Variants in PRDM10 observed in about 807,000 individuals in gnomAD.
PRDM10 encodes the protein PR domain zinc finger protein 10.
PRDM10 carries 65 observed loss-of-function variants against 133.1 expected under a neutral mutation model. The observed-to-expected ratio is 0.49, with a 90% CI of 0.40 to 0.60. PRDM10 has a LOEUF of 0.60. PRDM10 is among the 20% of genes least tolerant of loss of function. The pLI is 0.00. For synonymous variants in PRDM10, 582 were observed against 580.4 expected (o/e 1.00, Z -0.04); for missense variants, 1,137 against 1,507.1 (o/e 0.75, Z 4.07).
chr11:129,905,363 G>GAAAAAAAAAAA lies in PRDM10; in HGVS notation c.3267+264_3267+274dup, dbSNP rs57268294. On this transcript the variant is annotated intron_variant, in intron 20 of 20. Transcript: ENST00000360871. ...GGCGACACAGCAAGACTCTGTCTCAGAAAAAAAAAAAAAAAAAAAAGGCTC... is the reference window on the plus strand; with the variant it reads ...GGCGACACAGCAAGACTCTGTCTCAGAAAAAAAAAAAAAAAAAAAAAAAAAAAAAAAGGCTC... 4.3e-5 allele frequency among the ~76,000 whole-genome samples: 3 copies of GAAAAAAAAAAA among 69,444 alleles called. 1 individual carries two copies. Among genetic ancestry groups the GAAAAAAAAAAA allele is most frequent in the African/African-American group, 1.1e-4 (2 of 18,896 alleles). The allele number at this position is 69,444 out of a possible 152,430, so 45.6% of individuals were successfully genotyped here.
intron 4 of PRDM10, among the ~76,000 whole-genome samples, chr11:129,949,900 C>T (rs1207698350): frequency 2.0e-5 from 3 of 151,754 alleles, no homozygotes; most frequent in African/African-American, 2.4e-5. Flanking sequence ...CGCCATTGCA[C>T]TCCAGCCTGG....
intron 4 of PRDM10, among the ~76,000 whole-genome samples, chr11:129,951,457 G>A (rs1305245211): frequency 6.6e-6 from 1 of 152,174 alleles, no homozygotes; most frequent in African/African-American, 2.4e-5. Context: ...AGCAGTGTCT[G>A]TCTGTTTCAC....
At chr11:129,952,897 T>C (rs989598931) in intron 4 of PRDM10, among the ~76,000 whole-genome samples, 2 of 152,190 alleles carry the variant, frequency 1.3e-5, no homozygotes, top group African/African-American at 4.8e-5. Flanking sequence ...CAAGACATTA[T>C]ACATTTTCAT....
intron 1 of PRDM10, among the ~76,000 whole-genome samples, chr11:129,965,744 A>T (rs938078701): frequency 4.7e-5 from 7 of 147,596 alleles, no homozygotes; most frequent in Admixed American, 2.7e-4. Flanking sequence ...TTATCAAAAA[A>T]AAAAATATAT....
chr11:129,985,810 ATATAT>A (rs375165378), intron 1 of PRDM10, among the ~76,000 whole-genome samples: 45 of 59,318 alleles, frequency 7.6e-4, no homozygotes, highest in Non-Finnish European at 1.1e-3. Flanking sequence ...AAAAAAAAAA[ATATAT>A]ATATATATAT....
chr11:129,953,759 G>A (rs1204845734), intron 4 of PRDM10, among the ~76,000 whole-genome samples: 3 of 139,792 alleles, frequency 2.1e-5, no homozygotes, highest in Non-Finnish European at 4.5e-5. Flanking sequence ...TCTACCATTT[G>A]TCTTTGGGGT....
intron 4 of PRDM10, 51 bp downstream of exon 4, chr11:129,955,461 G>A (rs758538716): frequency 1.3e-5 from 20 of 1,555,886 alleles, no homozygotes; most frequent in Admixed American, 5.0e-5. Context: ...CATTCCAGGC[G>A]CAGTGGCATT....
chr11:129,978,453 C>T (rs1937911666), intron 1 of PRDM10, among the ~76,000 whole-genome samples: 1 of 152,222 alleles, frequency 6.6e-6, no homozygotes, highest in African/African-American at 2.4e-5. Context: ...AGAAATGTTC[C>T]TGACTTGTCT....
intron 3 of PRDM10, 119 bp from the exon 4 acceptor site, chr11:129,955,690 T>C: frequency 2.6e-6 from 2 of 774,462 alleles, no homozygotes; most frequent in Non-Finnish European, 4.2e-6. Context: ...TTTTAGCCAG[T>C]AATAAGCTTT....
Position 130,000,339 on chromosome 11 carries a change from G to A in PRDM10, c.-119+2383C>T, listed in dbSNP as rs531655889. 3.9e-5 allele frequency among the ~76,000 whole-genome samples: 6 copies of A among 152,140 alleles called. No homozygotes were observed. The East Asian group carries it at 5.8e-4, about 15-fold the overall frequency. On this transcript the variant is annotated intron_variant, in intron 1 of 20. Transcript: ENST00000360871. ...ATTACAGGCATGAGCCACAGCGCCCGGCTTAAATTTTATGTTTTCTCCAAT... is the reference window on the plus strand; with the variant it reads ...ATTACAGGCATGAGCCACAGCGCCCAGCTTAAATTTTATGTTTTCTCCAAT...
intron 7 of PRDM10, 106 bp downstream of exon 7, chr11:129,942,320 C>T (rs1591638296): frequency 1.8e-6 from 2 of 1,130,946 alleles, no homozygotes; most frequent in East Asian, 2.5e-5. Context: ...TGACCCCCCT[C>T]CCCCTTTTTT....
chr11:129,929,367 A>T, intron 11 of PRDM10: 1 of 1,552,596 alleles, frequency 6.4e-7, no homozygotes, highest in Non-Finnish European at 8.7e-7. Context: ...GGTCAGGCAA[A>T]CAAGTAACAT....
At chr11:129,973,789 A>G (rs1937625735) in intron 1 of PRDM10, among the ~76,000 whole-genome samples, 1 of 152,238 alleles carries the variant, frequency 6.6e-6, no homozygotes, top group African/African-American at 2.4e-5. Context: ...AGAACAGTGT[A>G]AGATAAAACA....
At chr11:129,976,882 TC>T (rs11300394) in intron 1 of PRDM10, among the ~76,000 whole-genome samples, 28,809 of 152,020 alleles carry the variant, frequency 0.19, 4,331 homozygotes, top group East Asian at 0.46. Context: ...GCCCAAATCC[TC>T]CATAACATGT....
chr11:130,001,970 G>A lies in PRDM10; in HGVS notation c.-119+752C>T, dbSNP rs867176459. ...CCCCTGCGGGCCGGCCCCCCGCCCCGGTCCCGGACGCTAGCTTGGGAAGGC... is the reference window on the plus strand; with the variant it reads ...CCCCTGCGGGCCGGCCCCCCGCCCCAGTCCCGGACGCTAGCTTGGGAAGGC... On this transcript the variant is annotated intron_variant, in intron 1 of 20. Coordinates refer to ENST00000360871, the MANE Select transcript of PRDM10 (RefSeq NM_199437.2). Among the ~76,000 whole-genome samples, 114 of 151,230 alleles carry A rather than the reference G, an allele frequency of 7.5e-4. 2 individuals are homozygous for A. In the Middle Eastern group the frequency reaches 0.034, roughly 46 times the overall value.
At position 129,942,312 on chromosome 11, in the gene PRDM10, A is replaced by AC. The variant is rs914777751; in HGVS notation, c.966+113dup. ...TAAGTATGTGAATAACCAGAAAATG[A>AC]CCCCCCTCCCCCTTTTTTGTTAAAC... On this transcript the variant is annotated intron_variant, in intron 7 of 20. Transcript: ENST00000360871. The AC allele has an allele frequency of 1.0e-5, 10 of 999,040 alleles. No individual in the cohort carries two copies. The African/African-American group carries it at 1.1e-4, about 11-fold the overall frequency. The allele number at this position is 999,040 out of a possible 1,614,324, so 61.9% of individuals were successfully genotyped here. A position where few individuals can be genotyped will look rare whatever the true frequency, so the allele number is the denominator to read the frequency against.
chr11:129,982,137 T>G (rs189245846), intron 1 of PRDM10, among the ~76,000 whole-genome samples: 47 of 151,924 alleles, frequency 3.1e-4, no homozygotes, highest in African/African-American at 1.1e-3. Context: ...CATGTGCCTG[T>G]GATCCCAGCT....
chr11:129,903,300 AAATAATAATAATAAT>A lies in PRDM10; in HGVS notation c.3268-799_3268-785del, dbSNP rs55765531. Among the ~76,000 whole-genome samples the A allele has an allele frequency of 4.0e-3, 556 of 138,004 alleles. 4 individuals are homozygous for A. The highest frequency in any genetic ancestry group is 6.0e-3 in the Non-Finnish European group (389 of 65,102). The allele number at this position is 138,004 out of a possible 152,430, so 90.5% of individuals were successfully genotyped here. On this transcript the variant is annotated intron_variant, in intron 20 of 20. Transcript: ENST00000360871. ...GCAACAAGAGCGAAACTCCGTCTCA[AAATAATAATAATAAT>A]AATAATAATAATAATAATAATAATA...
rs57429782 is a variant in PRDM10, at chr11:129,923,643, TGA to T, written c.1879-242_1879-241del. Among the ~76,000 whole-genome samples the T allele has an allele frequency of 0.17, 11,129 of 64,996 alleles. 407 individuals carry two copies. The highest frequency in any genetic ancestry group is 0.24 in the South Asian group (344 of 1,436). 42.6% of individuals were successfully genotyped at this position (64,996 alleles called of 152,430 possible). On this transcript the variant is annotated intron_variant, in intron 12 of 20. Transcript: ENST00000360871. This position sits in a 1 kb window ranked among gnomAD's most constrained non-coding sequence, Gnocchi z 4.4. ...CGAACCTCCCCGATGACTTGAAACG[TGA>T]GAGAGAGAGAGAGAGAGAGAGAGAG...
Sources: allele counts gnomAD v4.1 joint callset (sites outside exome capture counted in the v4.1 genomes callset), GRCh38; gene constraint gnomAD v4.1.1; non-coding constraint Gnocchi (gnomAD v3.1); transcripts MANE v1.5; gene names NCBI Gene and HGNC (gene_info 2026-07-23, HGNC 2026-07-21).